The following TP63 variants were observed in gnomAD, a reference collection of about 807,000 sequenced individuals.
The protein encoded by TP63 is tumor protein p63.
In TP63, 17 loss-of-function variants were observed where a neutral mutation model predicts 82.8. The ratio of observed to expected loss-of-function variants is 0.21; its 90% CI spans 0.14 to 0.31. The LOEUF is 0.31. Among genes scored for constraint, TP63 ranks in the 10% least tolerant of loss-of-function variants. The pLI, the probability that TP63 is intolerant of heterozygous loss-of-function variation, is 1.00. For synonymous variants in TP63, 330 were observed against 321.7 expected (o/e 1.03, Z -0.28); for missense variants, 648 against 895.3 (o/e 0.72, Z 3.52).
chr3:189,839,040 T>TAAAAAAAAAAAAAAAAAAAAAAAAGA (rs1713577048), intron 4 of TP63, among the ~76,000 whole-genome samples: 1 of 88,606 alleles, frequency 1.1e-5, no homozygotes, highest in Non-Finnish European at 2.1e-5. Context: ...TATCCTAAGC[T>TAAAAAAAAAAAAAAAAAAAAAAAAGA]AAAAAAAAAA....
intron 4 of TP63, among the ~76,000 whole-genome samples, chr3:189,847,570 C>T (rs1715054141): frequency 6.6e-6 from 1 of 152,122 alleles, no homozygotes; most frequent in Admixed American, 6.5e-5. Flanking sequence ...CTTTATTTCC[C>T]CCCACCCATC....
At chr3:189,765,450 T>TTTTTTTTTTTTTTTTTG (rs1722883768) in intron 3 of TP63, among the ~76,000 whole-genome samples, 1 of 123,364 alleles carries the variant, frequency 8.1e-6, no homozygotes, top group Non-Finnish European at 1.7e-5. Context: ...TTTTTTTTTT[T>TTTTTTTTTTTTTTTTTG]TTTTGAGACA....
At chr3:189,612,901 A>G in the TP63 span, among the ~76,000 whole-genome samples, 1 of 152,200 alleles carries the variant, frequency 6.6e-6, no homozygotes, top group African/African-American at 2.4e-5. Flanking sequence ...GAGAAAAACA[A>G]TTTAGGGTAT....
At chr3:189,674,263 G>GA (rs1715192489) in intron 1 of TP63, among the ~76,000 whole-genome samples, 2 of 151,990 alleles carry the variant, frequency 1.3e-5, no homozygotes, top group African/African-American at 4.8e-5. Context: ...TTCTTATTGG[G>GA]ACCTATTCAA....
At chr3:189,631,669 TCCTTGTTTA>T (rs1464705031) in intron 1 of TP63, 92 bp downstream of exon 1, 1 of 1,604,828 alleles carries the variant, frequency 6.2e-7, no homozygotes, top group African/African-American at 1.3e-5. Flanking sequence ...GAACAATTCC[TCCTTGTTTA>T]GTCAGCACAG....
chr3:189,839,333 C>T (rs143373038), intron 4 of TP63, among the ~76,000 whole-genome samples: 6 of 152,240 alleles, frequency 3.9e-5, no homozygotes, highest in East Asian at 1.9e-4. Context: ...AGAGGGATTA[C>T]GGTTTAAATA....
intron 1 of TP63, among the ~76,000 whole-genome samples, chr3:189,672,997 C>T (rs774723514): frequency 3.3e-5 from 5 of 152,050 alleles, no homozygotes; most frequent in South Asian, 2.1e-4. Context: ...CCTGCCACCA[C>T]GCCTGGCTAA....
At chr3:189,678,217 A>C (rs1034261647) in intron 1 of TP63, among the ~76,000 whole-genome samples, 4 of 152,032 alleles carry the variant, frequency 2.6e-5, no homozygotes, top group Non-Finnish European at 5.9e-5. Context: ...GTATTTCTAC[A>C]GTTTAAGGTT....
chr3:189,737,943 T>C, intron 2 of TP63, 75 bp downstream of exon 2: 2 of 1,570,276 alleles, frequency 1.3e-6, no homozygotes, highest in African/African-American at 1.4e-5. Context: ...TATTGCTTAC[T>C]AGGGCATGTT....
At chr3:189,878,404 T>A (rs1431028674) in intron 10 of TP63, among the ~76,000 whole-genome samples, 1 of 145,540 alleles carries the variant, frequency 6.9e-6, no homozygotes, top group African/African-American at 2.5e-5. Context: ...TTTTTTTTTT[T>A]TTGAGACAGA....
chr3:189,631,116 C>T (rs1329411521), upstream of TP63: 3 of 557,662 alleles, frequency 5.4e-6, no homozygotes. Context: ...TGAAATTAAA[C>T]TCTGATGCCA....
Position 189,774,803 on chromosome 3 carries a change from C to T in TP63, c.325-33469C>T, listed in dbSNP as rs572530637. Among the ~76,000 whole-genome samples the T allele has an allele frequency of 2.6e-5, 4 of 152,272 alleles. No individual in the cohort carries two copies. In the East Asian group the frequency reaches 5.8e-4, roughly 22 times the overall value. On this transcript the variant is annotated intron_variant, in intron 3 of 13. Transcript: ENST00000264731. The stretch of plus-strand genomic sequence containing the variant: ...TATGAAGTGCTTTCAAATAGGGCAT[C>T]AGATACAGCAAATCATCTGTTACTA...
intron 1 of TP63, among the ~76,000 whole-genome samples, chr3:189,702,400 TGTC>T (rs1158013423): frequency 6.6e-6 from 1 of 152,244 alleles, no homozygotes; most frequent in East Asian, 1.9e-4. Flanking sequence ...TTTTCCTTGC[TGTC>T]GTAGATTATC....
At chr3:189,798,111 C>T (rs1033384565) in intron 3 of TP63, among the ~76,000 whole-genome samples, 3 of 152,012 alleles carry the variant, frequency 2.0e-5, no homozygotes, top group Admixed American at 1.3e-4. Flanking sequence ...GTAATGTTCC[C>T]TGAATGTGAT....
chr3:189,829,404 C>A (rs9873617), intron 4 of TP63, among the ~76,000 whole-genome samples: 2 of 151,988 alleles, frequency 1.3e-5, no homozygotes, highest in East Asian at 3.9e-4. Context: ...AGTTAGCATC[C>A]AACTATCAAT....
chr3:189,805,744 T>C (rs1334206536), intron 3 of TP63, among the ~76,000 whole-genome samples: 1 of 152,210 alleles, frequency 6.6e-6, no homozygotes, highest in Non-Finnish European at 1.5e-5. Context: ...ATGGCTTATT[T>C]TGAGGTCCTG....
intron 4 of TP63, chr3:189,844,087 G>A (rs745735476): frequency 7.5e-5 from 16 of 212,836 alleles, no homozygotes; most frequent in Non-Finnish European, 1.4e-4. Context: ...TTGGTAGTTC[G>A]GGACACTGAC....
intron 4 of TP63, among the ~76,000 whole-genome samples, chr3:189,829,068 T>C (rs1172603692): frequency 6.6e-6 from 1 of 152,204 alleles, no homozygotes; most frequent in Non-Finnish European, 1.5e-5. Context: ...CTAAAGACCA[T>C]AAATTTATTA....
chr3:189,867,384 A>T (rs1048570678), intron 6 of TP63, among the ~76,000 whole-genome samples: 5 of 152,190 alleles, frequency 3.3e-5, no homozygotes, highest in African/African-American at 1.2e-4. Flanking sequence ...TAATTCTGAG[A>T]ACATTTTGAG....
Sources: allele counts gnomAD v4.1 joint callset (sites outside exome capture counted in the v4.1 genomes callset), GRCh38; gene constraint gnomAD v4.1.1; transcripts MANE v1.5; gene names NCBI Gene and HGNC (gene_info 2026-07-23, HGNC 2026-07-21).